Variants in INPP4B observed in about 807,000 individuals in gnomAD.
INPP4B encodes inositol polyphosphate-4-phosphatase type II B.
Under a neutral mutation model 122.5 loss-of-function variants are expected in INPP4B, and 55 were observed. The observed-to-expected ratio is 0.45, with a 90% CI of 0.36 to 0.56. The LOEUF (loss-of-function observed/expected upper bound fraction) is 0.56. Ranked by LOEUF, INPP4B falls within the 20% of genes least tolerant of loss-of-function variation. INPP4B has a pLI of 0.00. For synonymous variants in INPP4B, 403 were observed against 388.7 expected (o/e 1.04, Z -0.43); for missense variants, 1,000 against 1,097.7 (o/e 0.91, Z 1.26).
intron 2 of INPP4B, among the ~76,000 whole-genome samples, chr4:142,508,076 G>A (rs1048497969): frequency 1.4e-4 from 21 of 151,868 alleles, no homozygotes; most frequent in Admixed American, 3.9e-4. Flanking sequence ...TCAGTCTGTT[G>A]CCAGTTTTAC....
chr4:142,338,381 G>T (rs572777448), intron 7 of INPP4B, among the ~76,000 whole-genome samples: 1 of 151,834 alleles, frequency 6.6e-6, no homozygotes, highest in Non-Finnish European at 1.5e-5. Context: ...GACTACAGGC[G>T]CCCGCCACCA....
intron 5 of INPP4B, among the ~76,000 whole-genome samples, chr4:142,428,074 T>C (rs766920576): frequency 2.6e-5 from 4 of 151,778 alleles, no homozygotes; most frequent in African/African-American, 9.7e-5. Flanking sequence ...TTTTTAGCTA[T>C]ATTTTTTAAA....
chr4:142,028,774 T>G lies in INPP4B; in HGVS notation c.*8A>C. 1 of 1,604,064 alleles carries G rather than the reference T, an allele frequency of 6.2e-7. No homozygotes were observed. Among genetic ancestry groups the G allele is most frequent in the Non-Finnish European group, 8.5e-7 (1 of 1,177,058 alleles). ...TTTGTGTTCCTGTTTATTAACATGT[T>G]GGTAAACTTAGGTGTCAGCTTTTCC... is the stretch of plus-strand genomic sequence containing the variant. On this transcript the variant is annotated 3_prime_UTR_variant, in exon 26 of 26. Coordinates refer to ENST00000262992, the MANE Select transcript of INPP4B (RefSeq NM_001101669.3).
At chr4:142,210,334 A>T (rs1412028406) in intron 12 of INPP4B, among the ~76,000 whole-genome samples, 2 of 152,286 alleles carry the variant, frequency 1.3e-5, no homozygotes, top group East Asian at 3.9e-4. Context: ...TGCAATTTTC[A>T]TCTGAGGTCT....
intron 25 of INPP4B, among the ~76,000 whole-genome samples, chr4:142,062,439 A>G (rs1761449836): frequency 6.6e-6 from 1 of 152,142 alleles, no homozygotes; most frequent in African/African-American, 2.4e-5. Context: ...TTAAAAAATA[A>G]TTACTTTATT....
chr4:142,589,156 C>A (rs1416868681), intron 2 of INPP4B, among the ~76,000 whole-genome samples: 1 of 151,852 alleles, frequency 6.6e-6, no homozygotes, highest in Non-Finnish European at 1.5e-5. Flanking sequence ...TAAAAATAAC[C>A]AAGCACAAGG....
At chr4:142,524,366 G>A (rs1280476968) in intron 2 of INPP4B, among the ~76,000 whole-genome samples, 1 of 151,910 alleles carries the variant, frequency 6.6e-6, no homozygotes. Flanking sequence ...GTGTGAGATG[G>A]TATCTCACTG....
intron 18 of INPP4B, among the ~76,000 whole-genome samples, chr4:142,138,367 C>G (rs1207163050): frequency 6.6e-5 from 8 of 120,770 alleles, no homozygotes; most frequent in Non-Finnish European, 1.3e-4. Flanking sequence ...AGGGGAACAT[C>G]ACACTCTGGG....
intron 7 of INPP4B, among the ~76,000 whole-genome samples, chr4:142,402,369 T>C (rs1165747332): frequency 6.6e-6 from 1 of 152,200 alleles, no homozygotes; most frequent in Non-Finnish European, 1.5e-5. Flanking sequence ...TGGAGGAATA[T>C]GCAGACCAGT....
At chr4:142,328,075 C>T (rs1349948761) in intron 7 of INPP4B, among the ~76,000 whole-genome samples, 2 of 152,194 alleles carry the variant, frequency 1.3e-5, no homozygotes, top group South Asian at 2.1e-4. Flanking sequence ...TAGAACCACG[C>T]TTTTCTCTAA....
intron 2 of INPP4B, among the ~76,000 whole-genome samples, chr4:142,561,442 G>C (rs563272566): frequency 1.3e-5 from 2 of 151,954 alleles, no homozygotes; most frequent in South Asian, 4.2e-4. Flanking sequence ...TTTTTGAGAC[G>C]GAGTCTTGCT....
chr4:142,156,704 C>A (rs1200575399), intron 17 of INPP4B, among the ~76,000 whole-genome samples: 2 of 152,040 alleles, frequency 1.3e-5, no homozygotes, highest in Non-Finnish European at 2.9e-5. Flanking sequence ...GATTCATATG[C>A]CATCAATTTT....
intron 1 of INPP4B, among the ~76,000 whole-genome samples, chr4:142,754,124 C>A (rs1218783055): frequency 6.6e-6 from 1 of 152,066 alleles, no homozygotes; most frequent in East Asian, 1.9e-4. Context: ...TGTTTCCAAA[C>A]TTGCTGATCT....
chr4:142,254,179 A>C (rs1734273474), intron 11 of INPP4B, among the ~76,000 whole-genome samples: 1 of 152,202 alleles, frequency 6.6e-6, no homozygotes. Flanking sequence ...AACAGAAAGG[A>C]CATCCACACC....
At chr4:142,582,041 A>G (rs1445110830) in intron 2 of INPP4B, among the ~76,000 whole-genome samples, 1 of 152,098 alleles carries the variant, frequency 6.6e-6, no homozygotes, top group Non-Finnish European at 1.5e-5. Flanking sequence ...TTAGCTAGCA[A>G]TTTGGCATGC....
At chr4:142,122,872 A>C (rs899958423) in intron 20 of INPP4B, among the ~76,000 whole-genome samples, 8 of 152,124 alleles carry the variant, frequency 5.3e-5, no homozygotes, top group African/African-American at 1.9e-4. Flanking sequence ...AATATCTTTT[A>C]AAACTAGTTT....
At chr4:142,271,068 A>G (rs1745581048) in intron 9 of INPP4B, among the ~76,000 whole-genome samples, 1 of 151,584 alleles carries the variant, frequency 6.6e-6, no homozygotes, top group Non-Finnish European at 1.5e-5. Context: ...GATTCAAGAG[A>G]TTCTTCTGCC....
chr4:142,535,139 T>C (rs79269790), intron 2 of INPP4B, among the ~76,000 whole-genome samples: 1,893 of 152,272 alleles, frequency 0.012, 15 homozygotes, highest in African/African-American at 0.024. Flanking sequence ...TGCCAAACAT[T>C]AGGCACTTCA....
intron 2 of INPP4B, among the ~76,000 whole-genome samples, chr4:142,606,022 A>G (rs1273688727): frequency 6.6e-6 from 1 of 152,058 alleles, no homozygotes; most frequent in Non-Finnish European, 1.5e-5. Context: ...AAATGGATAA[A>G]GAAAATGTGG....
Sources: allele counts gnomAD v4.1 joint callset (sites outside exome capture counted in the v4.1 genomes callset), GRCh38; gene constraint gnomAD v4.1.1; transcripts MANE v1.5; gene names NCBI Gene and HGNC (gene_info 2026-07-23, HGNC 2026-07-21).